FARP1: variants seen among roughly 807,000 people sequenced by gnomAD.
FARP1 encodes the protein FERM, ARH/RhoGEF and pleckstrin domain protein 1, also known as FERM, ARHGEF and pleckstrin domain-containing protein 1.
FARP1 carries 52 observed loss-of-function variants against 128.8 expected under a neutral mutation model. The observed-to-expected ratio is 0.40, with a 90% CI of 0.32 to 0.51. The LOEUF (loss-of-function observed/expected upper bound fraction) is 0.51. Ranked by LOEUF, FARP1 falls within the 20% of genes least tolerant of loss-of-function variation. The pLI is 0.45. For missense variants in FARP1, 1,333 were observed against 1,367.9 expected (o/e 0.97, Z 0.40); for synonymous variants, 580 against 551.8 (o/e 1.05, Z -0.72).
intron 1 of FARP1, among the ~76,000 whole-genome samples, chr13:98,172,932 C>G (rs1466822254): frequency 3.9e-5 from 6 of 152,060 alleles, no homozygotes; most frequent in Non-Finnish European, 5.9e-5. Flanking sequence ...AAAGGCAGAC[C>G]AATGAAATGT....
At chr13:98,168,009 A>G (rs986589577) in intron 1 of FARP1, among the ~76,000 whole-genome samples, 2 of 151,906 alleles carry the variant, frequency 1.3e-5, no homozygotes, top group Non-Finnish European at 1.5e-5. Context: ...CGTCTCTACT[A>G]AAAATAGAAA....
chr13:98,399,035 G>T (rs1315249868), intron 13 of FARP1: 1 of 152,168 alleles, frequency 6.6e-6, no homozygotes, highest in East Asian at 1.9e-4. Flanking sequence ...GTATTGATGA[G>T]ATTTTTCACT....
intron 2 of FARP1, among the ~76,000 whole-genome samples, chr13:98,239,266 C>T (rs1045064889): frequency 1.4e-4 from 21 of 152,124 alleles, no homozygotes; most frequent in African/African-American, 4.8e-4. Context: ...CTGGACCGAC[C>T]CTGGTTGTGT....
chr13:98,203,452 T>C (rs1484754603), intron 1 of FARP1, among the ~76,000 whole-genome samples: 1 of 152,248 alleles, frequency 6.6e-6, no homozygotes, highest in Non-Finnish European at 1.5e-5. Context: ...ATATTTATCC[T>C]CCTGATAAAG....
At chr13:98,360,323 T>A (rs1888820010) in intron 3 of FARP1, among the ~76,000 whole-genome samples, 1 of 152,212 alleles carries the variant, frequency 6.6e-6, no homozygotes, top group Non-Finnish European at 1.5e-5. Context: ...CTCAAACTCC[T>A]GACCTCAGAT....
intron 2 of FARP1, among the ~76,000 whole-genome samples, chr13:98,240,429 G>A (rs1410640612): frequency 6.6e-6 from 1 of 152,142 alleles, no homozygotes; most frequent in Non-Finnish European, 1.5e-5. Flanking sequence ...ACCTGACTTT[G>A]TTCCCTGCTG....
chr13:98,335,143 G>C (rs116554162), intron 2 of FARP1, among the ~76,000 whole-genome samples: 4 of 152,210 alleles, frequency 2.6e-5, no homozygotes, highest in Admixed American at 6.5e-5. Flanking sequence ...CTTTTTGCTA[G>C]TTCCTCTAAC....
intron 2 of FARP1, among the ~76,000 whole-genome samples, chr13:98,262,516 A>G (rs1420700157): frequency 6.6e-6 from 1 of 151,862 alleles, no homozygotes; most frequent in Non-Finnish European, 1.5e-5. Flanking sequence ...CATGAAGGAG[A>G]CTCGCAAAGA....
chr13:98,342,916 C>A (rs1888029568), intron 2 of FARP1, among the ~76,000 whole-genome samples: 1 of 151,818 alleles, frequency 6.6e-6, no homozygotes, highest in Non-Finnish European at 1.5e-5. Flanking sequence ...CCCAGCTACT[C>A]CAGTGGCTGA....
chr13:98,297,110 G>GCA (rs1461497124), intron 2 of FARP1, among the ~76,000 whole-genome samples: 1 of 152,146 alleles, frequency 6.6e-6, no homozygotes, highest in East Asian at 1.9e-4. Context: ...TCTTTATTGT[G>GCA]CACAGCACAG....
At chr13:98,147,715 G>GT (rs1875674413) in intron 1 of FARP1, among the ~76,000 whole-genome samples, 1 of 152,000 alleles carries the variant, frequency 6.6e-6, no homozygotes, top group Admixed American at 6.6e-5. Context: ...CTGGAGTGCA[G>GT]TGGTGATCAT....
At chr13:98,217,718 G>A (rs748071227) in intron 2 of FARP1, among the ~76,000 whole-genome samples, 11 of 152,260 alleles carry the variant, frequency 7.2e-5, no homozygotes, top group African/African-American at 1.4e-4. Context: ...AGCTTCTCAT[G>A]CCAGAACACC....
intron 1 of FARP1, among the ~76,000 whole-genome samples, chr13:98,145,687 A>G (rs1875482885): frequency 6.6e-6 from 1 of 152,010 alleles, no homozygotes; most frequent in African/African-American, 2.4e-5. Context: ...ATATGGTGAA[A>G]CCCTGTCTCT....
chr13:98,438,562 C>T (rs1271989885), intron 19 of FARP1, among the ~76,000 whole-genome samples: 1 of 152,142 alleles, frequency 6.6e-6, no homozygotes, highest in African/African-American at 2.4e-5. Flanking sequence ...GGGTTTAGCA[C>T]AGCACCTGGG....
intron 6 of FARP1, among the ~76,000 whole-genome samples, chr13:98,378,937 ATC>A (rs1227507692): frequency 8.9e-6 from 1 of 112,206 alleles, no homozygotes; most frequent in African/African-American, 3.9e-5. Context: ...ACAATATATA[ATC>A]TATATATAAT....
chr13:98,161,192 C>T (rs1482978654), intron 1 of FARP1, among the ~76,000 whole-genome samples: 3 of 151,290 alleles, frequency 2.0e-5, no homozygotes, highest in Non-Finnish European at 2.9e-5. Flanking sequence ...AATTTCTTTC[C>T]CCTCCATTAT....
chr13:98,156,808 C>T (rs1331378788), intron 1 of FARP1, among the ~76,000 whole-genome samples: 1 of 151,894 alleles, frequency 6.6e-6, no homozygotes, highest in Non-Finnish European at 1.5e-5. Context: ...ATCCTCCTGC[C>T]TTGGCATCCC....
intron 1 of FARP1, among the ~76,000 whole-genome samples, chr13:98,174,872 G>A (rs73559602): frequency 0.036 from 5,419 of 152,194 alleles, 306 homozygotes; most frequent in African/African-American, 0.12. Context: ...CCAAGGTCAC[G>A]CAGCTGTAAC....
intron 13 of FARP1, chr13:98,396,915 G>A (rs117926471): frequency 0.066 from 10,211 of 155,378 alleles, 454 homozygotes; most frequent in Middle Eastern, 0.12. Context: ...TTACAGAAAA[G>A]GGTTTCCCAT....
Sources: gnomAD v4.1 joint callset for allele counts (sites outside exome capture counted in the v4.1 genomes callset) on GRCh38, gnomAD v4.1.1 for gene constraint, MANE v1.5 for transcripts, NCBI Gene and HGNC (gene_info 2026-07-23, HGNC 2026-07-21) for gene names.